Variants in LTBP3 observed in about 807,000 individuals in gnomAD.
LTBP3 encodes the protein latent transforming growth factor beta binding protein 3, also known as latent-transforming growth factor beta-binding protein 3.
In LTBP3, 97 loss-of-function variants were observed where a neutral mutation model predicts 159.7. The observed-to-expected ratio is 0.61, with a 90% confidence interval of 0.52 to 0.72. The LOEUF is 0.72. Ranked by LOEUF, LTBP3 falls within the 30% of genes least tolerant of loss-of-function variation. The pLI is 0.00. For missense variants in LTBP3, 1,584 were observed against 1,864.3 expected, an observed-to-expected ratio of 0.85 and a Z score of 2.77; for synonymous variants, 824 against 777.1, an observed-to-expected ratio of 1.06 and a Z score of -1.00.
rs770301769 is a variant in LTBP3 at position 65,546,735 on chromosome 11, C to T, written c.2230+63G>A. The T allele has an allele frequency of 6.5e-7, 1 of 1,544,776 alleles. No individual in the cohort carries two copies. Among genetic ancestry groups the T allele is most frequent in the Non-Finnish European group, 8.7e-7 (1 of 1,145,246 alleles). ...CACCGCTACCCCGCCCCGCCCCCAGCGGAGCCAGACTGGGGGAGGCACCTG... is the reference window on the plus strand; with the variant it reads ...CACCGCTACCCCGCCCCGCCCCCAGTGGAGCCAGACTGGGGGAGGCACCTG... On this transcript the variant is annotated intron_variant, in intron 15 of 27. Transcript: ENST00000301873. This position sits in a 1 kb window ranked among gnomAD's most constrained non-coding sequence, Gnocchi z 4.0.
At chr11:65,541,551 A>C in intron 19 of LTBP3, 49 bp downstream of exon 19, 4 of 1,613,568 alleles carry the variant, frequency 2.5e-6, no homozygotes, top group Non-Finnish European at 3.4e-6. Flanking sequence ...TCCCAGCTGC[A>C]GCTCAGGGGA....
At chr11:65,555,815 G>A (rs994811373) in intron 1 of LTBP3, among the ~76,000 whole-genome samples, 9 of 152,124 alleles carry the variant, frequency 5.9e-5, no homozygotes, top group African/African-American at 2.2e-4. Context: ...CAGGGCAGGA[G>A]GGCAGGAGGG....
In LTBP3 at chr11:65,553,175, G is replaced by C. The variant is rs753899891; in HGVS notation, c.1052C>G (p.Thr351Ser). The change falls in exon 5 of 28, where the codon ACC becomes AGC. Residue 351 changes from threonine (T) to serine (S), a missense_variant. Thr to Ser is a moderately conservative substitution (Grantham distance 58). Coordinates refer to ENST00000301873, the MANE Select transcript of LTBP3 (RefSeq NM_001130144.3). This position sits in a 1 kb window ranked among gnomAD's most constrained non-coding sequence, Gnocchi z 6.5. Reference protein sequence around the residue: ...CPQGYKRLNSTHCQDINECAM... With the variant: ...CPQGYKRLNSSHCQDINECAM... ...CTAGCTGGCCATACCCTGGCAGTGG[G>C]TGCTGTTAAGCCTCTTGTAGCCCTG... is the stretch of plus-strand genomic sequence containing the variant. 1 of 1,613,992 alleles carries C rather than the reference G, an allele frequency of 6.2e-7. No individual in the cohort carries two copies. Among genetic ancestry groups the C allele is most frequent in the East Asian group, 2.2e-5 (1 of 44,894 alleles).
Position 65,539,477 on chromosome 11 carries a change from A to T in LTBP3, c.3629-18T>A. ...GTCCTCATCTGCGTGGCCCGGAACA[A>T]TATGGACTTCAACACTGAGCCCCGG... On this transcript the variant is annotated intron_variant, in intron 26 of 27. Transcript: ENST00000301873. 6.3e-7 allele frequency: 1 copy of T among 1,581,820 alleles called. No individual in the cohort carries two copies. Among genetic ancestry groups the T allele is most frequent in the Non-Finnish European group, 8.6e-7 (1 of 1,163,960 alleles).
Position 65,553,589 on chromosome 11 carries a change from G to T in LTBP3, c.865-59C>A. The T allele has an allele frequency of 6.7e-7, 1 of 1,503,152 alleles. No individual in the cohort carries two copies. The highest frequency in any genetic ancestry group is 9.1e-7 in the Non-Finnish European group (1 of 1,093,836). The allele number at this position is 1,503,152 out of a possible 1,614,324, so 93.1% of individuals were successfully genotyped here. ...CACCCCGCCCCGGTGCCGCCTGTTA[G>T]GGTTGGGCCTTTTCCTCTTCCCCCG... On this transcript the variant is annotated intron_variant, in intron 3 of 27. Transcript: ENST00000301873. The surrounding 1 kb of genome is among the most constrained non-coding windows in gnomAD (Gnocchi z 6.5).
rs1436071314 is a variant in LTBP3, at chr11:65,540,380, C to T, written c.3109G>A (p.Val1037Met). The T allele has an allele frequency of 6.2e-7, 1 of 1,600,254 alleles. No homozygotes were observed. ...YDGNLLECVD[V>M]DECLDESNCR... Reference sequence around the variant, plus strand: ...TTGGACTCGTCCAGGCACTCGTCCACGTCTGCAGGGAGGAAAAGCGTGGGT... The same window carrying T: ...TTGGACTCGTCCAGGCACTCGTCCATGTCTGCAGGGAGGAAAAGCGTGGGT... The change falls in exon 23 of 28, where the codon GTG becomes ATG. Residue 1037 changes from valine (V) to methionine (M), a missense_variant and splice_region_variant. Val to Met is a conservative substitution (Grantham distance 21). Transcript: ENST00000301873.
At chr11:65,539,496 G>A in intron 26 of LTBP3, 37 bp from the exon 27 acceptor site, 7 of 1,594,082 alleles carry the variant, frequency 4.4e-6, no homozygotes, top group Admixed American at 1.7e-5. Flanking sequence ...TCAACACTGA[G>A]CCCCGGCCAA....
In LTBP3 at chr11:65,538,867, G is replaced by T; in HGVS notation, c.*213C>A. On this transcript the variant is annotated 3_prime_UTR_variant, in exon 28 of 28. Coordinates refer to ENST00000301873, the MANE Select transcript of LTBP3 (RefSeq NM_001130144.3). ...AGTTTCTAGGAAACACCCTCTGGGA[G>T]GAAGGCAGGCAGCGCCCGCCGGAGA... is the stretch of plus-strand genomic sequence containing the variant. 1.1e-6 allele frequency: 1 copy of T among 924,054 alleles called. No homozygotes were observed. The highest frequency in any genetic ancestry group is 1.5e-6 in the Non-Finnish European group (1 of 670,608). The allele number at this position is 924,054 out of a possible 1,614,324, so 57.2% of individuals were successfully genotyped here.
intron 16 of LTBP3, 91 bp from the exon 17 acceptor site, chr11:65,543,640 C>T (rs899509511): frequency 6.5e-7 from 1 of 1,534,120 alleles, no homozygotes; most frequent in African/African-American, 1.4e-5. Flanking sequence ...CCTGGAGCAC[C>T]AGAGCTGAGG....
rs1590774081 is a variant in LTBP3, at chr11:65,547,737, T to G, written c.1931A>C (p.Asn644Thr). The G allele has an allele frequency of 6.2e-7, 1 of 1,607,582 alleles. No individual in the cohort carries two copies. Residue 644 changes from asparagine to threonine, a missense_variant, in exon 13 of 28, where the codon AAC (asparagine) becomes ACC (threonine). Asn to Thr is a moderately conservative substitution (Grantham distance 65). Around this residue, in one of 6 missense-constraint regions of LTBP3, gnomAD observed 565 missense variants for 677.7 expected, o/e 0.83. Coordinates refer to ENST00000301873, the MANE Select transcript of LTBP3 (RefSeq NM_001130144.3). The surrounding 1 kb of genome is among the most constrained non-coding windows in gnomAD (Gnocchi z 4.6). ...GCCCACGTGCAGGCGGTAGCCGCGGTTGCAGTGGCAATTGTAGGAGCCGCC... is the reference window on the plus strand; with the variant it reads ...GCCCACGTGCAGGCGGTAGCCGCGGGTGCAGTGGCAATTGTAGGAGCCGCC... Reference protein sequence around the residue: ...NTGGSYNCHCNRGYRLHVGAG... With the variant: ...NTGGSYNCHCTRGYRLHVGAG...
In LTBP3 at chr11:65,558,272, C is replaced by A. The variant is rs1198619453; in HGVS notation, c.-313G>T. ...GCGAGGGAGAGGAAGGCCGGGCGGC[C>A]GGCCCGCTCCGCGCCTCCCCCTGGC... On this transcript the variant is annotated 5_prime_UTR_variant, in exon 1 of 28. Transcript: ENST00000301873. 2.1e-6 allele frequency: 2 copies of A among 964,724 alleles called. No homozygotes were observed. Among genetic ancestry groups the A allele is most frequent in the African/African-American group, 3.5e-5 (2 of 57,504 alleles). The allele number at this position is 964,724 out of a possible 1,614,324, so 59.8% of individuals were successfully genotyped here. A position where few individuals can be genotyped will look rare whatever the true frequency, so the allele number is the denominator to read the frequency against.
At position 65,552,921 on chromosome 11, in the gene LTBP3, G is replaced by A. The variant is rs1308013867; in HGVS notation, c.1125C>T (p.Gly375=). The change falls in exon 6 of 28, where the codon GGC becomes GGT. Residue 375 remains glycine, a synonymous_variant. Coordinates refer to ENST00000301873, the MANE Select transcript of LTBP3 (RefSeq NM_001130144.3). The surrounding 1 kb of genome is among the most constrained non-coding windows in gnomAD (Gnocchi z 6.0). ...CAGGTGGGCAGACACAGCGATAGGAGCCAGGGTTGTTGAGGCAGTCACCAT... is the reference window on the plus strand; with the variant it reads ...CAGGTGGGCAGACACAGCGATAGGAACCAGGGTTGTTGAGGCAGTCACCAT... ...CRHGDCLNNP[G]SYRCVCPPGH... 1 of 1,614,222 alleles carries A rather than the reference G, an allele frequency of 6.2e-7. No homozygotes were observed. The highest frequency in any genetic ancestry group is 2.2e-5 in the East Asian group (1 of 44,880).
intron 24 of LTBP3, 58 bp downstream of exon 24, chr11:65,539,955 C>G: frequency 5.5e-6 from 8 of 1,458,138 alleles, no homozygotes; most frequent in Non-Finnish European, 6.3e-6. Context: ...CCCACCTGCG[C>G]GGGGGCCACG....
At chr11:65,540,671 G>C (rs1443470723) in intron 21 of LTBP3, 57 bp from the exon 22 acceptor site, 8 of 1,536,768 alleles carry the variant, frequency 5.2e-6, no homozygotes, top group Non-Finnish European at 6.2e-6. Context: ...CGGAGGCGTG[G>C]GCTGGGCGCA....
rs1856703993 is a variant in LTBP3 at position 65,553,822 on chromosome 11, G to C, written c.743C>G (p.Ser248Trp). 1 of 1,562,626 alleles carries C rather than the reference G, an allele frequency of 6.4e-7. No individual in the cohort carries two copies. The highest frequency in any genetic ancestry group is 8.6e-7 in the Non-Finnish European group (1 of 1,161,690). ...ASVQVHRIESSNAESAAPSQH... is the reference protein window; with the variant it reads ...ASVQVHRIESWNAESAAPSQH... ...GGAGGGGGCTGCGCTCTCGGCGTTC[G>C]AGCTCTCAATGCGGTGCACCTGGAC... Residue 248 changes from serine to tryptophan, a missense_variant, in exon 3 of 28, where the codon TCG becomes TGG. By Grantham distance (177) the Ser-to-Trp change is radical. Around this residue, in one of 6 missense-constraint regions of LTBP3, gnomAD observed 194 missense variants for 198.7 expected, o/e 0.98. Transcript: ENST00000301873. This position sits in a 1 kb window ranked among gnomAD's most constrained non-coding sequence, Gnocchi z 6.5.
At position 65,552,696 on chromosome 11, in the gene LTBP3, A is replaced by G. The variant is rs936189500; in HGVS notation, c.1186+164T>C. Among the ~76,000 whole-genome samples the G allele has an allele frequency of 6.6e-6, 1 of 152,106 alleles. No individual in the cohort carries two copies. The highest frequency in any genetic ancestry group is 1.5e-5 in the Non-Finnish European group (1 of 68,018). ...CTGACCCCATGTGACTGCTAATGGCAGATCTCATGTGACCCCGGACCCTGC... is the reference window on the plus strand; with the variant it reads ...CTGACCCCATGTGACTGCTAATGGCGGATCTCATGTGACCCCGGACCCTGC... On this transcript the variant is annotated intron_variant, in intron 6 of 27. Coordinates refer to ENST00000301873, the MANE Select transcript of LTBP3 (RefSeq NM_001130144.3). This position sits in a 1 kb window ranked among gnomAD's most constrained non-coding sequence, Gnocchi z 6.0.
chr11:65,551,671 A>G, intron 8 of LTBP3, 107 bp from the exon 9 acceptor site: 3 of 1,398,236 alleles, frequency 2.1e-6, no homozygotes, highest in East Asian at 2.3e-5. Context: ...GAGTTCAACA[A>G]TCATGTCTCC....
At chr11:65,556,015 G>A (rs1856797757) in intron 1 of LTBP3, among the ~76,000 whole-genome samples, 1 of 152,154 alleles carries the variant, frequency 6.6e-6, no homozygotes, top group African/African-American at 2.4e-5. Context: ...TTCTGCCAGT[G>A]AGTCACTCAT....
Position 65,539,722 on chromosome 11 carries a change from G to A in LTBP3, c.3545C>T (p.Ala1182Val), listed in dbSNP as rs1287745500. 12 of 1,548,472 alleles carry A rather than the reference G, an allele frequency of 7.7e-6. No homozygotes were observed. The highest frequency in any genetic ancestry group is 1.0e-5 in the Non-Finnish European group (12 of 1,153,840). Residue 1182 changes from alanine to valine, a missense_variant and splice_region_variant, in exon 25 of 28, where the codon GCG (alanine) becomes GTG (valine). By Grantham distance (64) the Ala-to-Val change is moderately conservative (BLOSUM62 0). Around this residue, in one of 6 missense-constraint regions of LTBP3, gnomAD observed 514 missense variants for 530.3 expected, o/e 0.97. Coordinates refer to ENST00000301873, the MANE Select transcript of LTBP3 (RefSeq NM_001130144.3). ...CAACTCCTCCCCGACTGCCTTACCC[G>A]CGCCGCGCGGCGGGCACGGTCGGCA... ...AQCRPCPPRG[A>V]GSHCPTSQSE...
Sources: gnomAD v4.1 joint callset for allele counts (sites outside exome capture counted in the v4.1 genomes callset) on GRCh38, gnomAD v4.1.1 for gene constraint, gnomAD v4.1.1 regional missense constraint, Gnocchi (gnomAD v3.1) non-coding constraint, MANE v1.5 for transcripts, NCBI Gene and HGNC (gene_info 2026-07-23, HGNC 2026-07-21) for gene names.